Variants in PRKN observed in about 807,000 individuals in gnomAD.
The protein encoded by PRKN is E3 ubiquitin-protein ligase parkin.
Under a neutral mutation model 59.5 loss-of-function variants are expected in PRKN, and 56 were observed. The observed-to-expected ratio is 0.94, with a 90% CI of 0.76 to 1.18. The LOEUF (loss-of-function observed/expected upper bound fraction) is 1.18. PRKN is among the 50% of genes most tolerant of loss of function. The pLI, the probability that PRKN is intolerant of heterozygous loss-of-function variation, is 0.00. For missense variants in PRKN, 657 were observed against 596.4 expected, an observed-to-expected ratio of 1.10 and a Z score of -1.06; for synonymous variants, 250 against 222.1, an observed-to-expected ratio of 1.13 and a Z score of -1.12.
intron 1 of PRKN, among the ~76,000 whole-genome samples, chr6:162,567,171 TGGGGAAAAA>T (rs762612966): frequency 0.31 from 46,654 of 152,054 alleles, 7,612 homozygotes; most frequent in East Asian, 0.49. Context: ...TCATACTACA[TGGGGAAAAA>T]CTGAAAGCCT....
At chr6:161,778,568 G>C (rs774772026) in intron 7 of PRKN, among the ~76,000 whole-genome samples, 5 of 152,198 alleles carry the variant, frequency 3.3e-5, no homozygotes, top group African/African-American at 4.8e-5. Context: ...AGCTGGGATG[G>C]TGGAGAGGTT....
chr6:161,897,969 A>AAAAAG (rs1777716837), intron 6 of PRKN, among the ~76,000 whole-genome samples: 1 of 137,122 alleles, frequency 7.3e-6, no homozygotes, highest in Non-Finnish European at 1.6e-5. Context: ...TCCGTCTCAA[A>AAAAAG]AAAAAAAAAA....
chr6:161,897,696 T>G (rs1367562173), intron 6 of PRKN, among the ~76,000 whole-genome samples: 1 of 152,188 alleles, frequency 6.6e-6, no homozygotes, highest in Non-Finnish European at 1.5e-5. Flanking sequence ...TGTCTCCCAG[T>G]TGCGGCCGGG....
intron 4 of PRKN, among the ~76,000 whole-genome samples, chr6:162,068,831 C>A (rs1322402920): frequency 1.4e-5 from 2 of 138,168 alleles, no homozygotes; most frequent in African/African-American, 5.5e-5. Flanking sequence ...GGTGGGAGGT[C>A]ACTGGGCCGG....
intron 7 of PRKN, among the ~76,000 whole-genome samples, chr6:161,676,820 G>A (rs1360052013): frequency 6.6e-6 from 1 of 152,114 alleles, no homozygotes; most frequent in African/African-American, 2.4e-5. Flanking sequence ...GACAGGGTGA[G>A]ACACAAGCAG....
chr6:161,883,295 A>G (rs2128230071), intron 6 of PRKN, among the ~76,000 whole-genome samples: 1 of 152,118 alleles, frequency 6.6e-6, no homozygotes, highest in South Asian at 2.1e-4. Flanking sequence ...TGAGGTCAGG[A>G]GTTTGAGACT....
At chr6:162,171,184 G>T (rs960200487) in intron 4 of PRKN, among the ~76,000 whole-genome samples, 2 of 151,876 alleles carry the variant, frequency 1.3e-5, no homozygotes, top group Non-Finnish European at 2.9e-5. Context: ...TACCTCCAAA[G>T]GTCCTTATGA....
At chr6:162,614,923 T>TA (rs1782341579) in intron 1 of PRKN, among the ~76,000 whole-genome samples, 2 of 152,228 alleles carry the variant, frequency 1.3e-5, no homozygotes, top group Admixed American at 6.5e-5. Flanking sequence ...AATCCATTTC[T>TA]ATGCATTGAG....
chr6:161,451,148 T>C lies in PRKN; in HGVS notation c.1084-64271A>G, dbSNP rs1444470759. ...GCATGACGTGTTTCCATGTTATTTC[T>C]CTTAGGTCCCAGCACCGCAGAAAAT... is the stretch of plus-strand genomic sequence containing the variant. On this transcript the variant is annotated intron_variant, in intron 9 of 11. Transcript: ENST00000366898. The surrounding 1 kb of genome is among the most constrained non-coding windows in gnomAD (Gnocchi z 5.9). Among the ~76,000 whole-genome samples the C allele has an allele frequency of 2.0e-5, 3 of 152,144 alleles. No homozygotes were observed. The highest frequency in any genetic ancestry group is 4.4e-5 in the Non-Finnish European group (3 of 68,034).
chr6:162,727,636 G>A (rs1779347195), intron 1 of PRKN, 26 bp downstream of exon 1: 2 of 1,581,690 alleles, frequency 1.3e-6, no homozygotes, highest in Non-Finnish European at 8.6e-7. Context: ...GCGCAGAGAG[G>A]CTGTACCTGG....
intron 7 of PRKN, among the ~76,000 whole-genome samples, chr6:161,626,663 C>T (rs1403995628): frequency 6.6e-6 from 1 of 152,218 alleles, no homozygotes; most frequent in Non-Finnish European, 1.5e-5. Flanking sequence ...CCCGCAGACC[C>T]TGGCCAAATG....
At chr6:162,663,832 A>T (rs534785419) in intron 1 of PRKN, among the ~76,000 whole-genome samples, 1 of 152,268 alleles carries the variant, frequency 6.6e-6, no homozygotes, top group East Asian at 1.9e-4. Flanking sequence ...GGGAGAATGT[A>T]GCTGAATTCA....
chr6:162,579,993 A>G (rs1356778770), intron 1 of PRKN, among the ~76,000 whole-genome samples: 4 of 152,174 alleles, frequency 2.6e-5, no homozygotes, highest in Admixed American at 2.6e-4. Flanking sequence ...CATGAACGTT[A>G]TCATTATTTT....
chr6:162,236,451 C>T (rs573369522), intron 3 of PRKN, among the ~76,000 whole-genome samples: 1 of 152,244 alleles, frequency 6.6e-6, no homozygotes, highest in East Asian at 1.9e-4. Context: ...CCACCCCACT[C>T]CTCCACACCA....
chr6:162,189,514 C>T (rs1784179821), intron 4 of PRKN, among the ~76,000 whole-genome samples: 2 of 150,858 alleles, frequency 1.3e-5, no homozygotes, highest in South Asian at 2.2e-4. Flanking sequence ...CTTCATGAAA[C>T]ATCTTAAACA....
chr6:162,247,726 C>G (rs1779257881), intron 3 of PRKN, among the ~76,000 whole-genome samples: 1 of 152,140 alleles, frequency 6.6e-6, no homozygotes. Context: ...AGAATAATCT[C>G]TGCTTTGTGT....
At chr6:162,501,956 G>A (rs773115888) in intron 1 of PRKN, among the ~76,000 whole-genome samples, 4 of 152,076 alleles carry the variant, frequency 2.6e-5, no homozygotes, top group Non-Finnish European at 4.4e-5. Context: ...GGAAAAAGAC[G>A]AATTAAGTAA....
rs141797337 is a variant in PRKN, at chr6:162,175,508, A to G, written c.534+25623T>C. ...GGAAATCATAGCTAAAAACAAATCA[A>G]ACGAAAGAAACTTAGTCTCATATTC... On this transcript the variant is annotated intron_variant, in intron 4 of 11. Transcript: ENST00000366898. Among the ~76,000 whole-genome samples the G allele has an allele frequency of 1.2e-3, 189 of 152,312 alleles. 3 individuals carry two copies. Among genetic ancestry groups the G allele is most frequent in the African/African-American group, 4.3e-3 (178 of 41,568 alleles).
chr6:161,389,413 C>G (rs1290656616), intron 9 of PRKN, among the ~76,000 whole-genome samples: 1 of 152,224 alleles, frequency 6.6e-6, no homozygotes, highest in African/African-American at 2.4e-5. Context: ...TTTCTTCTCA[C>G]AGCAGAGAGA....
Sources: gnomAD v4.1 joint callset for allele counts (sites outside exome capture counted in the v4.1 genomes callset) on GRCh38, gnomAD v4.1.1 for gene constraint, Gnocchi (gnomAD v3.1) non-coding constraint, MANE v1.5 for transcripts, NCBI Gene and HGNC (gene_info 2026-07-23, HGNC 2026-07-21) for gene names.